The following HYDIN variants were observed in gnomAD, a reference collection of about 807,000 sequenced individuals.
HYDIN encodes HYDIN axonemal central pair apparatus protein.
HYDIN carries 132 observed loss-of-function variants against 403.9 expected under a neutral mutation model. The observed-to-expected ratio is 0.33, with a 90% CI of 0.28 to 0.38. The LOEUF (loss-of-function observed/expected upper bound fraction) is 0.38, where lower values mean the gene tolerates loss of function less well. Among genes scored for constraint, HYDIN ranks in the 10% least tolerant of loss-of-function variants. The pLI, the probability that HYDIN is intolerant of heterozygous loss-of-function variation, is 1.00. For missense variants in HYDIN, 2,827 were observed against 5,009.5 expected (o/e 0.56, Z 13.15); for synonymous variants, 1,202 against 1,891.7 (o/e 0.64, Z 9.46).
chr16:71,009,404 T>G (rs2080001457), intron 23 of HYDIN, among the ~76,000 whole-genome samples: 1 of 149,098 alleles, frequency 6.7e-6, no homozygotes, highest in Non-Finnish European at 1.5e-5. Flanking sequence ...TTTTTGTAAG[T>G]TTGAGTCAGG....
intron 1 of HYDIN, among the ~76,000 whole-genome samples, chr16:71,209,584 G>A (rs948859217): frequency 6.6e-6 from 1 of 152,102 alleles, no homozygotes; most frequent in East Asian, 1.9e-4. Flanking sequence ...TAGGAAGAGA[G>A]GAAGTCAAAC....
At chr16:70,869,952 A>T (rs896117998) in intron 65 of HYDIN, among the ~76,000 whole-genome samples, 1 of 149,310 alleles carries the variant, frequency 6.7e-6, no homozygotes, top group Non-Finnish European at 1.5e-5. Flanking sequence ...TGATATGGAC[A>T]ATGAAATCCA....
intron 10 of HYDIN, among the ~76,000 whole-genome samples, chr16:71,108,418 G>A (rs1376171522): frequency 1.3e-5 from 2 of 152,062 alleles, no homozygotes; most frequent in Non-Finnish European, 2.9e-5. Flanking sequence ...AGTGAGAGGA[G>A]TATGATTGGG....
At chr16:71,017,301 G>C (rs2080295117) in intron 23 of HYDIN, among the ~76,000 whole-genome samples, 1 of 147,536 alleles carries the variant, frequency 6.8e-6, no homozygotes, top group African/African-American at 2.6e-5. Context: ...AGTGAGCCCA[G>C]ATAGCGCCAC....
chr16:71,135,014 G>A (rs1445611748), intron 8 of HYDIN, among the ~76,000 whole-genome samples: 1 of 152,158 alleles, frequency 6.6e-6, no homozygotes. Context: ...GGAGAAACAG[G>A]AGTTCTGGCC....
rs1198624117 is a variant in HYDIN at position 70,997,950 on chromosome 16, G to C, written c.3645-5740C>G. 2.6e-5 allele frequency among the ~76,000 whole-genome samples: 4 copies of C among 151,340 alleles called. No homozygotes were observed. In the East Asian group the frequency reaches 7.7e-4, roughly 29 times the overall value. ...GCACAACTGTTTGTAATACAACTTTGCTTCTCCTCCCATCAACAGATGGAG... is the reference window on the plus strand; with the variant it reads ...GCACAACTGTTTGTAATACAACTTTCCTTCTCCTCCCATCAACAGATGGAG... On this transcript the variant is annotated intron_variant, in intron 23 of 85. Coordinates refer to ENST00000393567, the MANE Select transcript of HYDIN (RefSeq NM_001270974.2).
intron 9 of HYDIN, among the ~76,000 whole-genome samples, chr16:71,125,149 TGA>T (rs1371388694): frequency 2.0e-5 from 3 of 152,120 alleles, no homozygotes; most frequent in African/African-American, 7.2e-5. Flanking sequence ...CCTTTAAATG[TGA>T]GGGCCTGGAG....
At chr16:71,139,566 C>T (rs1015742576) in intron 7 of HYDIN, among the ~76,000 whole-genome samples, 5 of 152,036 alleles carry the variant, frequency 3.3e-5, no homozygotes, top group African/African-American at 1.2e-4. Context: ...AAAAAAGCCA[C>T]ACTCTAGGAC....
chr16:71,021,138 C>T lies in HYDIN; in HGVS notation c.3187-821G>A, dbSNP rs561724372. 7.3e-5 allele frequency among the ~76,000 whole-genome samples: 11 copies of T among 151,532 alleles called. No homozygotes were observed. The East Asian group carries it at 2.1e-3, about 29-fold the overall frequency. ...ACTGACAAATGATCAGACCTATTTC[C>T]TGTAAACTTTTCCTGATAATACCAG... is the stretch of plus-strand genomic sequence containing the variant. On this transcript the variant is annotated intron_variant, in intron 21 of 85. Coordinates refer to ENST00000393567, the MANE Select transcript of HYDIN (RefSeq NM_001270974.2).
chr16:71,216,244 A>G (rs748892278), intron 1 of HYDIN, among the ~76,000 whole-genome samples: 12 of 152,224 alleles, frequency 7.9e-5, no homozygotes, highest in Non-Finnish European at 1.6e-4. Context: ...TATAGAAAAA[A>G]TTGCCATATT....
Position 70,804,556 on chromosome 16 carries a change from G to T in HYDIN, c.*3024C>A, listed in dbSNP as rs777029636. On this transcript the variant is annotated 3_prime_UTR_variant, in exon 86 of 86. Transcript: ENST00000393567. ...CTTTGGTGAATCAGCTTCTCGTGAG[G>T]TCCTTCAGATCAGCTGATGTCAGTT... is the stretch of plus-strand genomic sequence containing the variant. Among the ~76,000 whole-genome samples the T allele has an allele frequency of 6.6e-6, 1 of 152,210 alleles. No homozygotes were observed. Among genetic ancestry groups the T allele is most frequent in the Non-Finnish European group, 1.5e-5 (1 of 68,038 alleles).
intron 19 of HYDIN, among the ~76,000 whole-genome samples, chr16:71,028,546 T>C (rs1179935673): frequency 2.0e-5 from 3 of 152,114 alleles, no homozygotes; most frequent in Non-Finnish European, 2.9e-5. Flanking sequence ...ATGGTTCAAA[T>C]GTGTTTTTGT....
chr16:70,996,380 G>C (rs796721389), intron 23 of HYDIN, among the ~76,000 whole-genome samples: 1 of 152,182 alleles, frequency 6.6e-6, no homozygotes, highest in Non-Finnish European at 1.5e-5. Flanking sequence ...AGAGCCACAG[G>C]AGTGGCTGTG....
chr16:71,151,934 T>C (rs1172832717), intron 7 of HYDIN, among the ~76,000 whole-genome samples: 1 of 152,224 alleles, frequency 6.6e-6, no homozygotes, highest in African/African-American at 2.4e-5. Flanking sequence ...TGTAGGATAT[T>C]TGCATGTTCT....
chr16:71,176,275 A>G (rs2086668211), intron 4 of HYDIN, among the ~76,000 whole-genome samples: 1 of 151,152 alleles, frequency 6.6e-6, no homozygotes, highest in Admixed American at 6.6e-5. Flanking sequence ...ACTGCACTCC[A>G]GCCTGGGAGC....
intron 1 of HYDIN, among the ~76,000 whole-genome samples, chr16:71,209,354 T>C (rs2088467253): frequency 6.6e-6 from 1 of 151,742 alleles, no homozygotes; most frequent in Non-Finnish European, 1.5e-5. Flanking sequence ...TCCCTTCATG[T>C]TGAAAACCAT....
chr16:71,210,520 G>A (rs2088528283), intron 1 of HYDIN, among the ~76,000 whole-genome samples: 1 of 151,998 alleles, frequency 6.6e-6, no homozygotes, highest in Non-Finnish European at 1.5e-5. Flanking sequence ...GAGGGTGGGA[G>A]GAGTGAGAGG....
At chr16:71,178,434 A>AAAAATATAT (rs1555501894) in intron 4 of HYDIN, among the ~76,000 whole-genome samples, 3 of 94,572 alleles carry the variant, frequency 3.2e-5, no homozygotes, top group African/African-American at 1.4e-4. Context: ...AAAAAAAAAA[A>AAAAATATAT]ATATATATAT....
chr16:71,183,069 G>A (rs1260532170), intron 3 of HYDIN, among the ~76,000 whole-genome samples: 1 of 152,040 alleles, frequency 6.6e-6, no homozygotes. Context: ...TGATAATGGG[G>A]GCAGAGGGAG....
Sources: gnomAD v4.1 joint callset for allele counts (sites outside exome capture counted in the v4.1 genomes callset) on GRCh38, gnomAD v4.1.1 for gene constraint, MANE v1.5 for transcripts, NCBI Gene and HGNC (gene_info 2026-07-23, HGNC 2026-07-21) for gene names.